CSMD2: variants seen among roughly 807,000 people sequenced by gnomAD.
The protein encoded by CSMD2 is CUB and sushi domain-containing protein 2.
In CSMD2, 130 loss-of-function variants were observed where a neutral mutation model predicts 398.5. The observed-to-expected ratio is 0.33, with a 90% CI of 0.28 to 0.38. The LOEUF (loss-of-function observed/expected upper bound fraction) is 0.38. CSMD2 is among the 10% of genes least tolerant of loss of function. The pLI is 1.00. For synonymous variants in CSMD2, 1,828 were observed against 1,908.5 expected, an observed-to-expected ratio of 0.96 and a Z score of 1.10; for missense variants, 3,829 against 4,764.9, an observed-to-expected ratio of 0.80 and a Z score of 5.78.
intron 48 of CSMD2, among the ~76,000 whole-genome samples, chr1:33,578,609 A>C (rs1049655913): frequency 6.6e-6 from 1 of 152,028 alleles, no homozygotes; most frequent in African/African-American, 2.4e-5. Flanking sequence ...AACAAAACAA[A>C]AAATCCCAGC....
Position 33,926,940 on chromosome 1 carries a change from T to C in CSMD2, c.713-8639A>G, listed in dbSNP as rs190952909. 4.9e-4 allele frequency among the ~76,000 whole-genome samples: 74 copies of C among 152,312 alleles called. 2 individuals are homozygous for C. Among genetic ancestry groups the C allele is most frequent in the Middle Eastern group, 3.4e-3 (1 of 294 alleles). On this transcript the variant is annotated intron_variant, in intron 4 of 70. Coordinates refer to ENST00000373381, the MANE Select transcript of CSMD2 (RefSeq NM_001281956.2). ...ATGGAGAAAACAGGACATTATCCTC[T>C]CTACTTCAGGCCAGCTCTAGGGTAC...
intron 26 of CSMD2, among the ~76,000 whole-genome samples, chr1:33,661,985 G>C (rs1343175827): frequency 6.6e-6 from 1 of 151,796 alleles, no homozygotes. Context: ...GAAGACAGCT[G>C]CTGTATAATA....
intron 3 of CSMD2, among the ~76,000 whole-genome samples, chr1:33,972,549 A>G (rs1570677546): frequency 1.3e-5 from 2 of 152,150 alleles, no homozygotes; most frequent in Non-Finnish European, 2.9e-5. Context: ...GGGGGGCAGG[A>G]GGATTGGAGT....
chr1:33,582,532 A>G (rs1373871138), intron 47 of CSMD2, among the ~76,000 whole-genome samples: 2 of 152,188 alleles, frequency 1.3e-5, no homozygotes, highest in Non-Finnish European at 2.9e-5. Flanking sequence ...CACAATGACA[A>G]TAATTGTATA....
intron 25 of CSMD2, among the ~76,000 whole-genome samples, chr1:33,688,970 G>A (rs1239124928): frequency 2.0e-5 from 3 of 151,954 alleles, no homozygotes; most frequent in African/African-American, 7.3e-5. Flanking sequence ...CTTTGCTGCT[G>A]GTTATTCAAG....
At chr1:34,080,341 T>A (rs1214650515) in intron 2 of CSMD2, among the ~76,000 whole-genome samples, 2 of 151,998 alleles carry the variant, frequency 1.3e-5, no homozygotes, top group Non-Finnish European at 2.9e-5. Context: ...ATATTGCCTA[T>A]CCGCAAATAT....
intron 3 of CSMD2, among the ~76,000 whole-genome samples, chr1:33,976,382 A>T (rs977305354): frequency 6.6e-6 from 1 of 152,210 alleles, no homozygotes; most frequent in Non-Finnish European, 1.5e-5. Flanking sequence ...TTCCCAGCCT[A>T]GGGTGTAACT....
chr1:33,848,154 T>C (rs1021903800), intron 5 of CSMD2, among the ~76,000 whole-genome samples: 3 of 152,124 alleles, frequency 2.0e-5, no homozygotes, highest in Non-Finnish European at 2.9e-5. Context: ...CTTGGAACTA[T>C]AAAGGTGAGG....
chr1:33,650,485 G>T (rs1427082047), intron 28 of CSMD2, among the ~76,000 whole-genome samples: 2 of 149,976 alleles, frequency 1.3e-5, no homozygotes, highest in Admixed American at 6.6e-5. Flanking sequence ...GGGCATGAAA[G>T]AATCCGTGAG....
chr1:34,154,661 A>G (rs1299904432), intron 1 of CSMD2, among the ~76,000 whole-genome samples: 1 of 152,158 alleles, frequency 6.6e-6, no homozygotes, highest in Non-Finnish European at 1.5e-5. Context: ...AGACTTCAAT[A>G]TCATTTATAG....
intron 3 of CSMD2, among the ~76,000 whole-genome samples, chr1:34,008,926 C>T (rs529723939): frequency 1.3e-5 from 2 of 152,228 alleles, no homozygotes; most frequent in South Asian, 4.2e-4. Context: ...TCACCTCAGC[C>T]TGTTATGGAA....
At chr1:34,145,284 G>C (rs1639664977) in intron 1 of CSMD2, among the ~76,000 whole-genome samples, 1 of 152,198 alleles carries the variant, frequency 6.6e-6, no homozygotes, top group Non-Finnish European at 1.5e-5. Context: ...GACCACATAT[G>C]GGGGATAAAG....
At chr1:33,746,782 C>T (rs1183068805) in intron 13 of CSMD2, among the ~76,000 whole-genome samples, 2 of 152,144 alleles carry the variant, frequency 1.3e-5, no homozygotes. Flanking sequence ...TCAATGAGTA[C>T]CTAATGGTTG....
At chr1:33,645,670 T>C (rs571584953) in intron 29 of CSMD2, among the ~76,000 whole-genome samples, 1 of 152,338 alleles carries the variant, frequency 6.6e-6, no homozygotes, top group South Asian at 2.1e-4. Context: ...ACAGAATGCA[T>C]GATATGTGCC....
chr1:33,993,770 A>G (rs1364718576), intron 3 of CSMD2, among the ~76,000 whole-genome samples: 1 of 151,784 alleles, frequency 6.6e-6, no homozygotes, highest in African/African-American at 2.4e-5. Flanking sequence ...TGGCTGCCCC[A>G]CCCAGTTGCT....
chr1:33,977,747 A>G (rs1646022343), intron 3 of CSMD2, among the ~76,000 whole-genome samples: 1 of 152,120 alleles, frequency 6.6e-6, no homozygotes. Context: ...TAAGAGCCCA[A>G]GAAACAGAAT....
chr1:34,063,811 G>C (rs1200514748), intron 2 of CSMD2, among the ~76,000 whole-genome samples: 1 of 152,210 alleles, frequency 6.6e-6, no homozygotes, highest in African/African-American at 2.4e-5. Context: ...CCCTAGCAGA[G>C]GTTCTCCATG....
At chr1:33,732,979 G>A (rs1405960519) in intron 15 of CSMD2, among the ~76,000 whole-genome samples, 1 of 152,162 alleles carries the variant, frequency 6.6e-6, no homozygotes, top group African/African-American at 2.4e-5. Context: ...GAGCTTAGGC[G>A]ACTGGCCAGG....
At chr1:33,970,121 A>G (rs1041177089) in intron 3 of CSMD2, among the ~76,000 whole-genome samples, 3 of 151,284 alleles carry the variant, frequency 2.0e-5, no homozygotes, top group African/African-American at 7.3e-5. Context: ...AAAAAAAAAA[A>G]GAAAAGAAAA....
Sources: allele counts gnomAD v4.1 joint callset (sites outside exome capture counted in the v4.1 genomes callset), GRCh38; gene constraint gnomAD v4.1.1; transcripts MANE v1.5; gene names NCBI Gene and HGNC (gene_info 2026-07-23, HGNC 2026-07-21).